Variants in C1QTNF3 observed in about 807,000 individuals in gnomAD.
C1QTNF3 encodes the protein complement C1q tumor necrosis factor-related protein 3.
A neutral mutation model predicts 32.6 loss-of-function variants in C1QTNF3; 26 were observed. The observed-to-expected ratio is 0.80, with a 90% CI of 0.58 to 1.11. The LOEUF is 1.11. Ranked by LOEUF, C1QTNF3 falls within the 50% of genes least tolerant of loss-of-function variation. C1QTNF3 has a pLI of 0.00. For synonymous variants in C1QTNF3, 155 were observed against 146.0 expected (o/e 1.06, Z -0.44); for missense variants, 362 against 398.2 (o/e 0.91, Z 0.77).
At chr5:34,148,009 C>T in the C1QTNF3 span, among the ~76,000 whole-genome samples, 4 of 152,032 alleles carry the variant, frequency 2.6e-5, no homozygotes, top group Non-Finnish European at 4.4e-5. Flanking sequence ...GCACCATGCG[C>T]GAGCCGAAGC....
chr5:34,173,952 C>T, the C1QTNF3 span, among the ~76,000 whole-genome samples: 1 of 152,170 alleles, frequency 6.6e-6, no homozygotes, highest in Non-Finnish European at 1.5e-5. Context: ...AAATAGTCTA[C>T]ATGGGAAATG....
chr5:34,129,639 C>T, the C1QTNF3 span, among the ~76,000 whole-genome samples: 1 of 151,954 alleles, frequency 6.6e-6, no homozygotes, highest in Non-Finnish European at 1.5e-5. Context: ...TAATTATATA[C>T]AGATACCTAT....
At chr5:34,242,767 A>ATAT in the C1QTNF3 span, among the ~76,000 whole-genome samples, 6 of 152,348 alleles carry the variant, frequency 3.9e-5, no homozygotes, top group African/African-American at 1.4e-4. Context: ...TGCATCTGAT[A>ATAT]ACGATCTAAT....
chr5:34,172,925 A>G, the C1QTNF3 span, among the ~76,000 whole-genome samples: 1 of 152,212 alleles, frequency 6.6e-6, no homozygotes, highest in African/African-American at 2.4e-5. Context: ...GCATTCTTGT[A>G]TATCGAGGAT....
At chr5:34,210,546 T>G in the C1QTNF3 span, among the ~76,000 whole-genome samples, 1 of 151,946 alleles carries the variant, frequency 6.6e-6, no homozygotes, top group Non-Finnish European at 1.5e-5. Flanking sequence ...TAAATAATCT[T>G]TTATTGGAGT....
chr5:34,115,889 T>G, the C1QTNF3 span, among the ~76,000 whole-genome samples: 2 of 152,190 alleles, frequency 1.3e-5, no homozygotes, highest in Non-Finnish European at 2.9e-5. Flanking sequence ...CTAAACTCTC[T>G]GCAGTAAATC....
the C1QTNF3 span, among the ~76,000 whole-genome samples, chr5:34,075,876 GGTGTGT>G: frequency 4.9e-3 from 726 of 146,764 alleles, 17 homozygotes; most frequent in African/African-American, 0.014. Context: ...AAACAATTAT[GGTGTGT>G]GTGTGTGTGT....
the C1QTNF3 span, among the ~76,000 whole-genome samples, chr5:34,201,937 C>CTT: frequency 6.6e-6 from 1 of 152,166 alleles, no homozygotes; most frequent in South Asian, 2.1e-4. Context: ...ACTATTAAAA[C>CTT]TTTAAGCTTC....
chr5:34,110,994 T>C, the C1QTNF3 span, among the ~76,000 whole-genome samples: 5 of 152,180 alleles, frequency 3.3e-5, no homozygotes, highest in Non-Finnish European at 7.4e-5. Context: ...GAAACCTACA[T>C]CCAAGGCTCT....
the C1QTNF3 span, among the ~76,000 whole-genome samples, chr5:34,179,855 G>A: frequency 1.3e-5 from 2 of 152,416 alleles, no homozygotes; most frequent in African/African-American, 4.8e-5. Flanking sequence ...GAGGCTGGGT[G>A]CTAGGTGCTC....
chr5:34,169,801 G>A, the C1QTNF3 span, among the ~76,000 whole-genome samples: 10 of 152,068 alleles, frequency 6.6e-5, no homozygotes, highest in African/African-American at 1.7e-4. Flanking sequence ...AGGATGTAGG[G>A]AACTTGGAAT....
chr5:34,110,671 A>G, the C1QTNF3 span, among the ~76,000 whole-genome samples: 4 of 152,288 alleles, frequency 2.6e-5, no homozygotes, highest in African/African-American at 9.6e-5. Flanking sequence ...ACCAGTGGAG[A>G]AAGTTTCTTG....
the C1QTNF3 span, among the ~76,000 whole-genome samples, chr5:34,079,682 C>T: frequency 6.6e-6 from 1 of 151,276 alleles, no homozygotes; most frequent in African/African-American, 2.5e-5. Context: ...AAGCCAGACA[C>T]AGACAGACAA....
At chr5:34,217,853 C>T in the C1QTNF3 span, among the ~76,000 whole-genome samples, 1 of 152,046 alleles carries the variant, frequency 6.6e-6, no homozygotes, top group Non-Finnish European at 1.5e-5. Flanking sequence ...AGGTATGATT[C>T]GTTTGTAGAT....
At chr5:34,208,734 TATG>T in the C1QTNF3 span, among the ~76,000 whole-genome samples, 36 of 152,300 alleles carry the variant, frequency 2.4e-4, 1 homozygote, top group South Asian at 3.5e-3. Context: ...AAAAACTCTA[TATG>T]ATGATATTTA....
At chr5:34,137,791 A>G in the C1QTNF3 span, among the ~76,000 whole-genome samples, 1 of 152,216 alleles carries the variant, frequency 6.6e-6, no homozygotes, top group African/African-American at 2.4e-5. Context: ...TCTATTAAGT[A>G]AAGGAAGACT....
chr5:34,229,442 A>T, the C1QTNF3 span, among the ~76,000 whole-genome samples: 1 of 152,168 alleles, frequency 6.6e-6, no homozygotes, highest in Non-Finnish European at 1.5e-5. Context: ...ATCTTGACAT[A>T]AACTAACATA....
chr5:34,232,891 C>T, the C1QTNF3 span, among the ~76,000 whole-genome samples: 1 of 150,708 alleles, frequency 6.6e-6, no homozygotes, highest in East Asian at 2.0e-4. Flanking sequence ...TGTTTAACTC[C>T]TTGCAACTTA....
At chr5:34,126,901 G>A in the C1QTNF3 span, among the ~76,000 whole-genome samples, 129 of 152,300 alleles carry the variant, frequency 8.5e-4, no homozygotes, top group Non-Finnish European at 1.6e-3. Context: ...GGAGGTGATT[G>A]AATCATGGGG....
Sources: gnomAD v4.1 joint callset for allele counts (sites outside exome capture counted in the v4.1 genomes callset) on GRCh38, gnomAD v4.1.1 for gene constraint, MANE v1.5 for transcripts, NCBI Gene and HGNC (gene_info 2026-07-23, HGNC 2026-07-21) for gene names.